SOX6: variants seen among roughly 807,000 people sequenced by gnomAD.
The protein encoded by SOX6 is transcription factor SOX-6.
A neutral mutation model predicts 97.8 loss-of-function variants in SOX6; 11 were observed. The ratio of observed to expected loss-of-function variants is 0.11; its 90% CI spans 0.07 to 0.19. The LOEUF (loss-of-function observed/expected upper bound fraction) is 0.19, where lower values mean the gene tolerates loss of function less well. Ranked by LOEUF, SOX6 falls within the 10% of genes least tolerant of loss-of-function variation. The pLI, the probability that SOX6 is intolerant of heterozygous loss-of-function variation, is 1.00. For missense variants in SOX6, 810 were observed against 1,039.5 expected (o/e 0.78, Z 3.04); for synonymous variants, 360 against 371.4 (o/e 0.97, Z 0.35).
intron 1 of SOX6, among the ~76,000 whole-genome samples, chr11:16,370,653 G>C (rs1857475047): frequency 6.6e-6 from 1 of 151,844 alleles, no homozygotes; most frequent in African/African-American, 2.4e-5. Context: ...AACAAGTCCA[G>C]AACTGAGCTT....
chr11:16,662,340 T>G (rs903334023), intron 3 of SOX6, among the ~76,000 whole-genome samples: 1 of 152,212 alleles, frequency 6.6e-6, no homozygotes, highest in Non-Finnish European at 1.5e-5. Context: ...TTCTCTCCAC[T>G]GTCTGCTTGT....
chr11:16,383,107 T>C (rs752411809), intron 1 of SOX6, among the ~76,000 whole-genome samples: 8 of 151,966 alleles, frequency 5.3e-5, no homozygotes, highest in Non-Finnish European at 1.2e-4. Flanking sequence ...CCATGAGTCA[T>C]GAAATAGAGA....
chr11:16,401,209 A>T (rs1858549455), intron 1 of SOX6, among the ~76,000 whole-genome samples: 2 of 151,592 alleles, frequency 1.3e-5, no homozygotes, highest in Admixed American at 6.6e-5. Context: ...AACAACGCAT[A>T]TGAAAGTATC....
intron 6 of SOX6, among the ~76,000 whole-genome samples, chr11:16,115,276 CT>C (rs939121369): frequency 7.9e-5 from 12 of 152,198 alleles, no homozygotes; most frequent in African/African-American, 2.6e-4. Flanking sequence ...ATCTGGGAAC[CT>C]TTTAAAAAAG....
intron 3 of SOX6, among the ~76,000 whole-genome samples, chr11:16,713,211 A>G (rs2134048915): frequency 6.6e-6 from 1 of 152,324 alleles, no homozygotes; most frequent in South Asian, 2.1e-4. Context: ...AGGTGGCCAA[A>G]AATATCAGAA....
At chr11:16,384,291 C>G (rs1384204864) in intron 1 of SOX6, among the ~76,000 whole-genome samples, 1 of 151,574 alleles carries the variant, frequency 6.6e-6, no homozygotes. Flanking sequence ...TCTTTAGAAA[C>G]CTAAGAAATA....
intron 12 of SOX6, among the ~76,000 whole-genome samples, chr11:16,018,431 A>G (rs1854950508): frequency 6.6e-6 from 1 of 151,914 alleles, no homozygotes; most frequent in Non-Finnish European, 1.5e-5. Flanking sequence ...AACTAAAAGA[A>G]CAGAGGTTTG....
At chr11:16,482,396 A>G (rs1027281083) in intron 4 of SOX6, among the ~76,000 whole-genome samples, 3 of 152,228 alleles carry the variant, frequency 2.0e-5, no homozygotes, top group Non-Finnish European at 4.4e-5. Context: ...ATATTTTATT[A>G]TGCAATATTG....
chr11:16,362,460 A>C (rs1307903947), intron 1 of SOX6, among the ~76,000 whole-genome samples: 5 of 152,190 alleles, frequency 3.3e-5, no homozygotes, highest in Non-Finnish European at 7.3e-5. Context: ...CACTCAAAAA[A>C]GCCCCATGAC....
intron 3 of SOX6, among the ~76,000 whole-genome samples, chr11:16,672,958 A>C (rs540867229): frequency 5.7e-4 from 86 of 152,168 alleles, no homozygotes; most frequent in South Asian, 3.7e-3. Flanking sequence ...TAAAGTGTTC[A>C]ATTCAACAAG....
Position 15,971,994 on chromosome 11 carries a change from G to C in SOX6, c.*815C>G, listed in dbSNP as rs1394247028. On this transcript the variant is annotated 3_prime_UTR_variant, in exon 16 of 16. Coordinates refer to ENST00000683767, the MANE Select transcript of SOX6 (RefSeq NM_001367873.1). ...GATATCTGGTGTGGCGGTTGCTCTG[G>C]TGTGTGTATGTCATACCACATCACG... is the stretch of plus-strand genomic sequence containing the variant. The C allele has an allele frequency of 2.0e-5, 3 of 152,552 alleles. No homozygotes were observed. The highest frequency in any genetic ancestry group is 4.4e-5 in the Non-Finnish European group (3 of 68,046). The allele number at this position is 152,552 out of a possible 1,614,324, so 9.4% of individuals were successfully genotyped here.
chr11:16,079,071 C>CT (rs1359228494), intron 9 of SOX6, among the ~76,000 whole-genome samples: 3 of 152,112 alleles, frequency 2.0e-5, no homozygotes, highest in African/African-American at 7.2e-5. Context: ...CATGGCAGAC[C>CT]TGGAAATCCC....
At chr11:16,540,796 A>ATTG (rs1288453457) in intron 4 of SOX6, among the ~76,000 whole-genome samples, 41 of 152,204 alleles carry the variant, frequency 2.7e-4, no homozygotes, top group African/African-American at 8.9e-4. Flanking sequence ...GGAGAACTAC[A>ATTG]AACCACTGCT....
chr11:16,735,157 A>C (rs1332248682), intron 2 of SOX6, among the ~76,000 whole-genome samples: 2 of 152,174 alleles, frequency 1.3e-5, no homozygotes, highest in African/African-American at 2.4e-5. Flanking sequence ...CAGGTCACAC[A>C]GATCTATGGA....
At chr11:16,547,921 C>T (rs943348990) in intron 4 of SOX6, among the ~76,000 whole-genome samples, 32 of 152,018 alleles carry the variant, frequency 2.1e-4, no homozygotes, top group African/African-American at 7.2e-4. Flanking sequence ...GTATCAACAG[C>T]AATTGTTTTT....
intron 4 of SOX6, among the ~76,000 whole-genome samples, chr11:16,552,696 A>C (rs953034330): frequency 5.3e-5 from 8 of 152,200 alleles, no homozygotes; most frequent in African/African-American, 1.9e-4. Flanking sequence ...TCACAGCATA[A>C]TAGAGGTTTG....
chr11:16,238,620 T>C (rs1009440978), intron 3 of SOX6, among the ~76,000 whole-genome samples: 5 of 152,066 alleles, frequency 3.3e-5, no homozygotes, highest in African/African-American at 1.2e-4. Context: ...AAAATAAAGG[T>C]ATTTCAGATA....
intron 13 of SOX6, among the ~76,000 whole-genome samples, chr11:15,993,202 T>C (rs1486605697): frequency 6.6e-6 from 1 of 152,248 alleles, no homozygotes; most frequent in Non-Finnish European, 1.5e-5. Context: ...TCAAAAGGTA[T>C]ACTATTAATC....
intron 14 of SOX6, among the ~76,000 whole-genome samples, chr11:15,987,334 A>T (rs1185010071): frequency 6.6e-6 from 1 of 152,188 alleles, no homozygotes; most frequent in Non-Finnish European, 1.5e-5. Context: ...TTAATAGCAC[A>T]TGCATCCCTG....
Sources: gnomAD v4.1 joint callset for allele counts (sites outside exome capture counted in the v4.1 genomes callset) on GRCh38, gnomAD v4.1.1 for gene constraint, MANE v1.5 for transcripts, NCBI Gene and HGNC (gene_info 2026-07-23, HGNC 2026-07-21) for gene names.